Variants in RET observed in about 807,000 individuals in gnomAD.
RET encodes ret proto-oncogene.
RET carries 19 observed loss-of-function variants against 118.3 expected under a neutral mutation model. The ratio of observed to expected loss-of-function variants is 0.16; its 90% CI spans 0.11 to 0.24. RET has a LOEUF of 0.24. Among genes scored for constraint, RET ranks in the 10% least tolerant of loss-of-function variants. RET has a pLI of 1.00. For missense variants in RET, 1,219 were observed against 1,502.1 expected (o/e 0.81, Z 3.12); for synonymous variants, 597 against 644.1 (o/e 0.93, Z 1.11).
chr10:43,127,529 G>C, intron 19 of RET: 1 of 977,532 alleles, frequency 1.0e-6, no homozygotes, highest in African/African-American at 1.7e-5. Flanking sequence ...CTTCATCATT[G>C]ATTGTTTGAA....
intron 3 of RET, among the ~76,000 whole-genome samples, chr10:43,103,505 G>GAGGCCCCATTTGACCATCAGAAAGTC (rs1837688590): frequency 6.6e-6 from 1 of 152,164 alleles, no homozygotes; most frequent in African/African-American, 2.4e-5. Context: ...TAGGTGCAGG[G>GAGGCCCCATTTGACCATCAGAAAGTC]AGGCCCCATT....
intron 17 of RET, 48 bp from the exon 18 acceptor site, chr10:43,124,835 G>T: frequency 6.3e-7 from 1 of 1,590,412 alleles, no homozygotes; most frequent in South Asian, 1.1e-5. Flanking sequence ...GTCCTTCTGA[G>T]ACCTGGCCCT....
intron 1 of RET, among the ~76,000 whole-genome samples, chr10:43,095,920 C>T (rs1156743821): frequency 6.6e-6 from 1 of 152,138 alleles, no homozygotes; most frequent in East Asian, 1.9e-4. Flanking sequence ...ACCACGGTGG[C>T]GGGGGTCATT....
intron 1 of RET, among the ~76,000 whole-genome samples, chr10:43,080,370 A>G (rs1157812140): frequency 6.6e-6 from 1 of 152,246 alleles, no homozygotes; most frequent in East Asian, 1.9e-4. Flanking sequence ...GGGGGCTCAC[A>G]GTGCACTGCC....
chr10:43,086,717 G>T (rs1837295796), intron 1 of RET, among the ~76,000 whole-genome samples: 1 of 151,694 alleles, frequency 6.6e-6, no homozygotes. Context: ...GAAGCCGGAA[G>T]CAACTGCCAG....
chr10:43,104,044 G>C (rs987685089), intron 3 of RET, among the ~76,000 whole-genome samples: 2 of 152,200 alleles, frequency 1.3e-5, no homozygotes, highest in African/African-American at 4.8e-5. Context: ...AGTCTAGCGC[G>C]AGCTGCCATG....
intron 3 of RET, 141 bp from the exon 4 acceptor site, chr10:43,104,811 C>T (rs1837721135): frequency 1.5e-6 from 2 of 1,305,718 alleles, no homozygotes; most frequent in Non-Finnish European, 1.0e-6. Flanking sequence ...GCGCTGCCCT[C>T]CCCTGTGGAG....
chr10:43,079,717 G>A (rs959312454), intron 1 of RET, among the ~76,000 whole-genome samples: 2 of 152,122 alleles, frequency 1.3e-5, no homozygotes, highest in Non-Finnish European at 2.9e-5. Context: ...TCCCAGCATG[G>A]AAGAGCTGGG....
At chr10:43,077,700 G>C (rs2132503293) in intron 1 of RET, among the ~76,000 whole-genome samples, 5 of 152,318 alleles carry the variant, frequency 3.3e-5, no homozygotes, top group Non-Finnish European at 4.4e-5. Flanking sequence ...CTGGCGGACG[G>C]GTCAGGGAGC....
At position 43,112,973 on chromosome 10, in the gene RET, G is replaced by T. The variant is rs770586179; in HGVS notation, c.1759+10G>T. The stretch of plus-strand genomic sequence containing the variant: ...CCTCAGGACTGCCTCCGTAAGCAGG[G>T]TTTAATCAGGGCATGGGAACAGGTA... On this transcript the variant is annotated intron_variant, in intron 9 of 19. Transcript: ENST00000355710. The T allele has an allele frequency of 7.5e-6, 12 of 1,607,242 alleles. No homozygotes were observed. The East Asian group carries it at 2.2e-4, about 30-fold the overall frequency.
intron 1 of RET, 148 bp from the exon 2 acceptor site, chr10:43,100,311 A>T (rs545690531): frequency 1.1e-6 from 1 of 905,892 alleles, no homozygotes; most frequent in South Asian, 1.5e-5. Flanking sequence ...GTGTGTAACT[A>T]TACAAATAAT....
At chr10:43,110,034 G>C (rs1041718101) in intron 6 of RET, among the ~76,000 whole-genome samples, 1 of 152,162 alleles carries the variant, frequency 6.6e-6, no homozygotes, top group African/African-American at 2.4e-5. Flanking sequence ...TCAGCTCCTG[G>C]CAGCCACCCG....
chr10:43,105,562 G>A (rs918481003), intron 4 of RET, among the ~76,000 whole-genome samples: 1 of 152,214 alleles, frequency 6.6e-6, no homozygotes, highest in Admixed American at 6.5e-5. Context: ...ACCACGAGCA[G>A]AGCCGGGGAT....
chr10:43,114,595 C>A lies in RET; in HGVS notation c.1995C>A (p.His665Gln), dbSNP rs377767413. ...FCIHCYHKFA[H>Q]KPPISSAEMT... The stretch of plus-strand genomic sequence containing the variant: ...TCCACTGCTACCACAAGTTTGCCCA[C>A]AAGCCACCCATCTCCTCAGCTGAGA... The change falls in exon 11 of 20, where the codon CAC (histidine) becomes CAA (glutamine). Residue 665 changes from histidine to glutamine, a missense_variant. His to Gln is a conservative substitution (Grantham distance 24). Coordinates refer to ENST00000355710, the MANE Select transcript of RET (RefSeq NM_020975.6). The surrounding 1 kb of genome is among the most constrained non-coding windows in gnomAD (Gnocchi z 4.6). 2.5e-6 allele frequency: 4 copies of A among 1,613,064 alleles called. No individual in the cohort carries two copies. The highest frequency in any genetic ancestry group is 8.5e-7 in the Non-Finnish European group (1 of 1,180,014).
intron 18 of RET, among the ~76,000 whole-genome samples, chr10:43,126,007 C>T (rs917926699): frequency 2.0e-5 from 3 of 152,230 alleles, no homozygotes; most frequent in Non-Finnish European, 2.9e-5. Context: ...AGTGGCCCCT[C>T]GTGCTGGGGA....
intron 17 of RET, among the ~76,000 whole-genome samples, chr10:43,124,446 G>T (rs11238442): frequency 2.6e-5 from 4 of 152,140 alleles, no homozygotes; most frequent in Non-Finnish European, 5.9e-5. Context: ...CAGGACAGAC[G>T]TGTGATTGCC....
At chr10:43,113,039 C>A (rs2132819380) in intron 9 of RET, 76 bp downstream of exon 9, 2 of 1,174,572 alleles carry the variant, frequency 1.7e-6, no homozygotes, top group Non-Finnish European at 2.5e-6. Flanking sequence ...GGCACTTCAG[C>A]CAGAGTTGCC....
chr10:43,125,123 C>T, intron 18 of RET, 141 bp downstream of exon 18: 1 of 808,322 alleles, frequency 1.2e-6, no homozygotes, highest in Non-Finnish European at 2.1e-6. Flanking sequence ...GTCATGCTCT[C>T]CCCTGCATGC....
chr10:43,104,083 G>A (rs947402479), intron 3 of RET, among the ~76,000 whole-genome samples: 1 of 152,186 alleles, frequency 6.6e-6, no homozygotes, highest in Non-Finnish European at 1.5e-5. Context: ...CTTTTGTCTC[G>A]ACATCCGGCC....
Sources: allele counts gnomAD v4.1 joint callset (sites outside exome capture counted in the v4.1 genomes callset), GRCh38; gene constraint gnomAD v4.1.1; non-coding constraint Gnocchi (gnomAD v3.1); transcripts MANE v1.5; gene names NCBI Gene and HGNC (gene_info 2026-07-23, HGNC 2026-07-21).